Variants in ZNF385D observed in about 807,000 individuals in gnomAD.
ZNF385D encodes the protein zinc finger protein 659.
In ZNF385D, 15 loss-of-function variants were observed where a neutral mutation model predicts 35.8. The ratio of observed to expected loss-of-function variants is 0.42; its 90% confidence interval spans 0.28 to 0.64. ZNF385D has a LOEUF of 0.64. ZNF385D is among the 30% of genes least tolerant of loss of function. ZNF385D has a pLI of 0.23. For synonymous variants in ZNF385D, 212 were observed against 186.8 expected, an observed-to-expected ratio of 1.13 and a Z score of -1.10; for missense variants, 474 against 494.6, an observed-to-expected ratio of 0.96 and a Z score of 0.39.
intron 3 of ZNF385D, among the ~76,000 whole-genome samples, chr3:21,537,758 C>G (rs2062071273): frequency 6.6e-6 from 1 of 151,988 alleles, no homozygotes; most frequent in Admixed American, 6.5e-5. Context: ...TCCCAGAGGC[C>G]ATGTTTCATA....
intron 3 of ZNF385D, among the ~76,000 whole-genome samples, chr3:22,048,325 T>A (rs984295815): frequency 6.6e-6 from 1 of 152,170 alleles, no homozygotes; most frequent in Non-Finnish European, 1.5e-5. Flanking sequence ...TTCAAAAAAA[T>A]CAATGCCCAA....
At chr3:22,204,712 C>A (rs1697029278) in intron 2 of ZNF385D, among the ~76,000 whole-genome samples, 1 of 151,842 alleles carries the variant, frequency 6.6e-6, no homozygotes, top group South Asian at 2.1e-4. Flanking sequence ...TTGAAAAATG[C>A]AACTGATATA....
In ZNF385D at chr3:21,465,810, T is replaced by C. The variant is rs1003265036; in HGVS notation, c.440-28607A>G. Among the ~76,000 whole-genome samples, 1 of 152,202 alleles carries C rather than the reference T, an allele frequency of 6.6e-6. No individual in the cohort carries two copies. The highest frequency in any genetic ancestry group is 1.5e-5 in the Non-Finnish European group (1 of 68,042). On this transcript the variant is annotated intron_variant, in intron 4 of 7. Coordinates refer to ENST00000281523, the MANE Select transcript of ZNF385D (RefSeq NM_024697.3). This position sits in a 1 kb window ranked among gnomAD's most constrained non-coding sequence, Gnocchi z 4.2. ...TAAGCCAGGTGCTAGGTGTTAGGAT[T>C]TGGCAAATAGTCAGATGCCCTTCCT...
chr3:22,264,320 T>C (rs1700786288), intron 2 of ZNF385D, among the ~76,000 whole-genome samples: 1 of 152,022 alleles, frequency 6.6e-6, no homozygotes, highest in African/African-American at 2.4e-5. Flanking sequence ...GTTCACAGGG[T>C]CCTGGTCAAG....
At chr3:22,139,558 T>A (rs964603912) in intron 3 of ZNF385D, among the ~76,000 whole-genome samples, 3 of 147,334 alleles carry the variant, frequency 2.0e-5, no homozygotes, top group Admixed American at 6.9e-5. Flanking sequence ...AGGTGGGAAT[T>A]GAACAATGAG....
At chr3:22,136,838 A>T (rs185034973) in intron 3 of ZNF385D, among the ~76,000 whole-genome samples, 1 of 152,162 alleles carries the variant, frequency 6.6e-6, no homozygotes, top group African/African-American at 2.4e-5. Flanking sequence ...CAATCTGAAA[A>T]GGCATACACT....
chr3:22,076,787 T>C (rs1391196518), intron 3 of ZNF385D, among the ~76,000 whole-genome samples: 1 of 149,184 alleles, frequency 6.7e-6, no homozygotes, highest in Non-Finnish European at 1.5e-5. Context: ...ATATAGTGAC[T>C]TATTCTTGGA....
chr3:21,684,875 G>C (rs1381719197), intron 1 of ZNF385D, among the ~76,000 whole-genome samples: 2 of 152,182 alleles, frequency 1.3e-5, no homozygotes, highest in African/African-American at 4.8e-5. Flanking sequence ...TTCATCGTAA[G>C]TGAAACTGGA....
At chr3:21,960,599 GA>G (rs1474504118) in intron 3 of ZNF385D, among the ~76,000 whole-genome samples, 1 of 151,950 alleles carries the variant, frequency 6.6e-6, no homozygotes, top group Non-Finnish European at 1.5e-5. Context: ...TTATTCAAAG[GA>G]AAGGAAATCA....
chr3:22,148,696 A>G (rs1288556831), intron 3 of ZNF385D, among the ~76,000 whole-genome samples: 1 of 152,196 alleles, frequency 6.6e-6, no homozygotes, highest in African/African-American at 2.4e-5. Flanking sequence ...CGTAATTAGT[A>G]TGGCTTATCA....
chr3:21,943,223 A>C (rs1443614881), intron 3 of ZNF385D, among the ~76,000 whole-genome samples: 1 of 152,026 alleles, frequency 6.6e-6, no homozygotes, highest in African/African-American at 2.4e-5. Flanking sequence ...ACTAATTTAT[A>C]AAAGCGACTA....
At position 22,159,667 on chromosome 3, in the gene ZNF385D, G is replaced by A. The variant is rs910057116; in HGVS notation, c.325+9150C>T. Among the ~76,000 whole-genome samples, 20 of 152,182 alleles carry A rather than the reference G, an allele frequency of 1.3e-4. No homozygotes were observed. The Middle Eastern group carries it at 0.01, about 78-fold the overall frequency. Reference sequence around the variant, plus strand: ...TGAAAAAAATTGGTAACAAAAGCCAGAAACATGATCCAAATTTGAACACAG... The same window carrying A: ...TGAAAAAAATTGGTAACAAAAGCCAAAAACATGATCCAAATTTGAACACAG... On this transcript the variant is annotated intron_variant, in intron 3 of 5. Transcript: ENST00000494108.
chr3:21,915,567 G>C (rs1575905142), intron 3 of ZNF385D, among the ~76,000 whole-genome samples: 2 of 151,904 alleles, frequency 1.3e-5, no homozygotes, highest in Non-Finnish European at 2.9e-5. Context: ...CTTTGTATTA[G>C]TGTTTACGGT....
chr3:22,342,941 A>G (rs1013251012), intron 2 of ZNF385D, among the ~76,000 whole-genome samples: 1 of 152,234 alleles, frequency 6.6e-6, no homozygotes, highest in Non-Finnish European at 1.5e-5. Context: ...TCAGGTAGCT[A>G]TTGAGCATTT....
intron 3 of ZNF385D, among the ~76,000 whole-genome samples, chr3:21,782,136 A>C (rs2071514516): frequency 1.3e-5 from 2 of 152,030 alleles, no homozygotes; most frequent in South Asian, 4.2e-4. Flanking sequence ...ATTCAGAGAC[A>C]ATGCTGCATT....
chr3:21,430,322 C>T (rs1267888617), intron 5 of ZNF385D, among the ~76,000 whole-genome samples: 1 of 151,980 alleles, frequency 6.6e-6, no homozygotes, highest in African/African-American at 2.4e-5. Context: ...ATCCAAAGTC[C>T]AATTTGGAAA....
chr3:22,029,673 T>A (rs186087112), intron 3 of ZNF385D, among the ~76,000 whole-genome samples: 2 of 152,352 alleles, frequency 1.3e-5, no homozygotes, highest in Admixed American at 1.3e-4. Context: ...TCACGTGACA[T>A]GAGATTTTTT....
rs202101230 is a variant in ZNF385D at position 21,638,471 on chromosome 3, C to T, written c.165+26415G>A. The stretch of plus-strand genomic sequence containing the variant: ...CCTCAGCTGTGATACAAACCCAGTA[C>T]ATGTGCAGCATCCACCTGAGCCCAT... On this transcript the variant is annotated intron_variant, in intron 2 of 7. Transcript: ENST00000281523. Among the ~76,000 whole-genome samples the T allele has an allele frequency of 2.6e-5, 4 of 152,062 alleles. No homozygotes were observed. The East Asian group carries it at 5.8e-4, about 22-fold the overall frequency.
chr3:22,027,490 A>ACC (rs1335552203), intron 3 of ZNF385D, among the ~76,000 whole-genome samples: 1 of 152,100 alleles, frequency 6.6e-6, no homozygotes, highest in East Asian at 1.9e-4. Flanking sequence ...GGCCTCTAGG[A>ACC]TTTTGGAGCA....
Sources: allele counts gnomAD v4.1 joint callset (sites outside exome capture counted in the v4.1 genomes callset), GRCh38; gene constraint gnomAD v4.1.1; non-coding constraint Gnocchi (gnomAD v3.1); transcripts MANE v1.5; gene names NCBI Gene and HGNC (gene_info 2026-07-23, HGNC 2026-07-21).